Variants in LSG1 observed in about 807,000 individuals in gnomAD.
LSG1 encodes the protein large subunit GTPase 1 homolog.
A neutral mutation model predicts 82.6 loss-of-function variants in LSG1; 55 were observed. The observed-to-expected ratio is 0.67, with a 90% confidence interval of 0.54 to 0.83. The LOEUF (loss-of-function observed/expected upper bound fraction) is 0.83, where lower values mean the gene tolerates loss of function less well. LSG1 is among the 40% of genes least tolerant of loss of function. The probability of loss-of-function intolerance (pLI) is 0.00; values close to 1 mark genes in which losing one functional copy is unlikely to be tolerated. For missense variants in LSG1, 809 were observed against 807.9 expected (o/e 1.00, Z -0.02); for synonymous variants, 272 against 282.5 (o/e 0.96, Z 0.37).
chr3:194,652,228 GGTAT>G (rs1459301233), intron 8 of LSG1, among the ~76,000 whole-genome samples: 3 of 152,154 alleles, frequency 2.0e-5, no homozygotes. Context: ...CTGGAATTAG[GGTAT>G]GTAAGGCTGG....
At position 194,660,084 on chromosome 3, in the gene LSG1, A is replaced by G; in HGVS notation, c.571T>C (p.Cys191Arg). 6.2e-7 allele frequency: 1 copy of G among 1,614,038 alleles called. No individual in the cohort carries two copies. Among genetic ancestry groups the G allele is most frequent in the East Asian group, 2.2e-5 (1 of 44,886 alleles). The change falls in exon 6 of 14, where the codon TGT (cysteine) becomes CGT (arginine). Residue 191 changes from cysteine (C) to arginine (R), a missense_variant. Cys to Arg is a radical substitution (Grantham distance 180). Coordinates refer to ENST00000265245, the MANE Select transcript of LSG1 (RefSeq NM_018385.3). ...VDARNPLLFR[C>R]EDLECYVKEM... The stretch of plus-strand genomic sequence containing the variant: ...CAAACTTGACTTACCAAATCCTCAC[A>G]TCTAAACAGGAGTGGGTTTCGAGCA...
At chr3:194,645,575 GAC>G (rs57272537) in intron 12 of LSG1, among the ~76,000 whole-genome samples, 1,067 of 20,034 alleles carry the variant, frequency 0.053, 114 homozygotes, top group South Asian at 0.097. Context: ...CACACAGACA[GAC>G]ACACACACAC....
At chr3:194,665,480 T>C (rs1719012543) in intron 5 of LSG1, 77 bp downstream of exon 5, 3 of 1,006,750 alleles carry the variant, frequency 3.0e-6, no homozygotes, top group African/African-American at 1.6e-5. Context: ...CCTGAGCCTA[T>C]AAGCCTATAT....
rs538909357 is a variant in LSG1, at chr3:194,663,068, G to A, written c.521+2489C>T. Among the ~76,000 whole-genome samples the A allele has an allele frequency of 5.9e-5, 9 of 152,326 alleles. No individual in the cohort carries two copies. The South Asian group carries it at 1.7e-3, about 28-fold the overall frequency. On this transcript the variant is annotated intron_variant, in intron 5 of 13. Transcript: ENST00000265245. ...GAAAGACAGATAATATAGGAAGTAG[G>A]ACAAAATCTGAAAACAAAACAAAAA... is the stretch of plus-strand genomic sequence containing the variant.
chr3:194,646,300 CAACTG>C (rs1396517672), intron 11 of LSG1, 57 bp from the exon 12 acceptor site: 4 of 1,328,932 alleles, frequency 3.0e-6, no homozygotes, highest in African/African-American at 2.9e-5. Context: ...ACAACAAAGA[CAACTG>C]AGGTGATGTA....
intron 2 of LSG1, among the ~76,000 whole-genome samples, chr3:194,666,825 C>A (rs568742751): frequency 5.9e-5 from 9 of 152,110 alleles, no homozygotes; most frequent in Non-Finnish European, 1.2e-4. Flanking sequence ...ATTTTCCCTG[C>A]TATTGAACAT....
intron 1 of LSG1, among the ~76,000 whole-genome samples, chr3:194,670,627 A>G (rs192238410): frequency 6.6e-6 from 1 of 152,334 alleles, no homozygotes; most frequent in Admixed American, 6.5e-5. Context: ...TACTGAAACC[A>G]CACCCTATTA....
At chr3:194,664,213 A>G (rs555637139) in intron 5 of LSG1, among the ~76,000 whole-genome samples, 2 of 152,158 alleles carry the variant, frequency 1.3e-5, no homozygotes, top group Non-Finnish European at 1.5e-5. Flanking sequence ...TGGACCTCCT[A>G]AAGTGCTGGG....
At chr3:194,649,951 G>A (rs1227929905) in intron 10 of LSG1, among the ~76,000 whole-genome samples, 5 of 151,042 alleles carry the variant, frequency 3.3e-5, no homozygotes, top group Non-Finnish European at 5.9e-5. Flanking sequence ...CAAGAGTCTC[G>A]CTTTGTGGCC....
Position 194,644,665 on chromosome 3 carries a change from T to G in LSG1, c.1705A>C (p.Lys569Gln). ...QHQHQRLLENKMNSDEIKMQL... is the reference protein window; with the variant it reads ...QHQHQRLLENQMNSDEIKMQL... ...ATTTTTATTTCATCACTGTTCATTT[T>G]GTTCTCTAGGAGTCGCTGGTGTTGA... Residue 569 changes from lysine (K) to glutamine (Q), a missense_variant, in exon 13 of 14, where the codon AAA (lysine) becomes CAA (glutamine). By Grantham distance (53) the Lys-to-Gln change is moderately conservative (BLOSUM62 1). Coordinates refer to ENST00000265245, the MANE Select transcript of LSG1 (RefSeq NM_018385.3). 1 of 1,612,158 alleles carries G rather than the reference T, an allele frequency of 6.2e-7. No individual in the cohort carries two copies.
chr3:194,641,134 C>T lies in LSG1; in HGVS notation c.*934G>A, dbSNP rs789990. On this transcript the variant is annotated 3_prime_UTR_variant, in exon 14 of 14. Transcript: ENST00000265245. ...AGGACACAGATCCAAACCACATCAA[C>T]AGTGCTTTCATGCTTTTGATTATCT... is the stretch of plus-strand genomic sequence containing the variant. 0.78 allele frequency: 118,147 copies of T among 152,174 alleles called. 46,265 individuals are homozygous for T. The highest frequency in any genetic ancestry group is 0.8 in the Non-Finnish European group (54,527 of 68,002). 9.4% of individuals were successfully genotyped at this position (152,174 alleles called of 1,614,324 possible).
chr3:194,659,950 G>A lies in LSG1; in HGVS notation c.582+123C>T. 1.1e-5 allele frequency: 8 copies of A among 757,876 alleles called. No individual in the cohort carries two copies. The South Asian group carries it at 1.2e-4, about 11-fold the overall frequency. The allele number at this position is 757,876 out of a possible 1,614,324, so 46.9% of individuals were successfully genotyped here. A position where few individuals can be genotyped will look rare whatever the true frequency, so the allele number is the denominator to read the frequency against. ...TGCAAGCTCCTGGCCTTGGAAGGAG[G>A]GAAGGCCTCACTAAACGAAGCCAGA... is the stretch of plus-strand genomic sequence containing the variant. On this transcript the variant is annotated intron_variant, in intron 6 of 13. Transcript: ENST00000265245.
At chr3:194,646,294 CAA>C in intron 11 of LSG1, 51 bp from the exon 12 acceptor site, 1 of 1,405,298 alleles carries the variant, frequency 7.1e-7, no homozygotes, top group Non-Finnish European at 1.0e-6. Context: ...AATATCACAA[CAA>C]AGACAACTGA....
At chr3:194,646,279 G>A (rs998567011) in intron 11 of LSG1, 36 bp from the exon 12 acceptor site, 1 of 1,528,412 alleles carries the variant, frequency 6.5e-7, no homozygotes. Flanking sequence ...AATCTTAGAT[G>A]ACAGAATATC....
chr3:194,651,196 A>G lies in LSG1; in HGVS notation c.1194T>C (p.Gly398=), dbSNP rs35636619. 552 of 1,614,136 alleles carry G rather than the reference A, an allele frequency of 3.4e-4. 1 individual carries two copies. The African/African-American group carries it at 6.0e-3, about 17-fold the overall frequency. Residue 398 remains glycine, a synonymous_variant, in exon 9 of 14, where the codon GGT becomes GGC. Coordinates refer to ENST00000265245, the MANE Select transcript of LSG1 (RefSeq NM_018385.3). ...TGATGGTGTTGATTGTTGAACTCTT[A>G]CCAACATTAGGGTAGCCCACCTAGA... ...TVGLVGYPNV[G]KSSTINTIMG... is the part of the protein sequence containing the mutation.
chr3:194,659,982 A>T, intron 6 of LSG1, 91 bp downstream of exon 6: 1 of 1,122,746 alleles, frequency 8.9e-7, no homozygotes, highest in Non-Finnish European at 1.4e-6. Flanking sequence ...CAGAGAGGGC[A>T]GAATGTATGC....
chr3:194,651,656 G>T, intron 8 of LSG1: 1 of 151,292 alleles, frequency 6.6e-6, no homozygotes, highest in South Asian at 2.1e-4. Context: ...TCTGGCATGT[G>T]GCAGGTGATC....
Position 194,671,755 on chromosome 3 carries a change from AAGTTCCAAG to A in LSG1, c.99+300_99+308del, listed in dbSNP as rs1719142948. The A allele has an allele frequency of 2.2e-5, 9 of 416,312 alleles. No individual in the cohort carries two copies. In the Admixed American group the frequency reaches 3.2e-4, roughly 15 times the overall value. The allele number at this position is 416,312 out of a possible 1,614,324, so 25.8% of individuals were successfully genotyped here. A position where few individuals can be genotyped will look rare whatever the true frequency, so the allele number is the denominator to read the frequency against. On this transcript the variant is annotated intron_variant, in intron 1 of 13. Transcript: ENST00000265245. Reference sequence around the variant, plus strand: ...ACGTTTTGTCTTTTTCCTGCTCTGGAAGTTCCAAGCACTTCAGTGGCTTCTAGGGCAAAA... The same window carrying A: ...ACGTTTTGTCTTTTTCCTGCTCTGGACACTTCAGTGGCTTCTAGGGCAAAA...
chr3:194,653,755 G>A (rs1718734393), intron 7 of LSG1, among the ~76,000 whole-genome samples: 1 of 152,118 alleles, frequency 6.6e-6, no homozygotes, highest in South Asian at 2.1e-4. Context: ...ATAACTCTAG[G>A]CCGGGTGCTA....
Sources: allele counts gnomAD v4.1 joint callset (sites outside exome capture counted in the v4.1 genomes callset), GRCh38; gene constraint gnomAD v4.1.1; transcripts MANE v1.5; gene names NCBI Gene and HGNC (gene_info 2026-07-23, HGNC 2026-07-21).